Variants in TCERG1L observed in about 807,000 individuals in gnomAD.
The protein encoded by TCERG1L is transcription elongation regulator 1 like.
In TCERG1L, 37 loss-of-function variants were observed where a neutral mutation model predicts 56.3. That is an observed-to-expected ratio of 0.66 (90% CI 0.51 to 0.87). The LOEUF (loss-of-function observed/expected upper bound fraction) is 0.87. TCERG1L is among the 40% of genes least tolerant of loss of function. TCERG1L has a pLI of 0.00. For synonymous variants in TCERG1L, 324 were observed against 326.3 expected (o/e 0.99, Z 0.08); for missense variants, 799 against 774.2 (o/e 1.03, Z -0.38).
intron 3 of TCERG1L, among the ~76,000 whole-genome samples, chr10:131,295,115 A>G (rs886348896): frequency 1.3e-5 from 2 of 152,168 alleles, no homozygotes; most frequent in Non-Finnish European, 2.9e-5. Context: ...TCACTGGCAT[A>G]ATGCTTTTGG....
intron 4 of TCERG1L, among the ~76,000 whole-genome samples, chr10:131,237,988 T>A (rs1845931359): frequency 6.6e-6 from 1 of 152,222 alleles, no homozygotes; most frequent in South Asian, 2.1e-4. Context: ...GGAGCATCCC[T>A]AACTGAAGTG....
At chr10:131,259,899 C>T (rs570032745) in intron 4 of TCERG1L, among the ~76,000 whole-genome samples, 1 of 152,364 alleles carries the variant, frequency 6.6e-6, no homozygotes, top group South Asian at 2.1e-4. Context: ...CGCCAGCCTG[C>T]ACGTCCCGTG....
At chr10:131,133,271 A>G (rs1054680778) in intron 8 of TCERG1L, among the ~76,000 whole-genome samples, 2 of 152,214 alleles carry the variant, frequency 1.3e-5, no homozygotes, top group African/African-American at 4.8e-5. Context: ...GAGAATGCAC[A>G]CTGGCTCTGA....
At chr10:131,209,738 G>A (rs1845595929) in intron 4 of TCERG1L, among the ~76,000 whole-genome samples, 1 of 152,086 alleles carries the variant, frequency 6.6e-6, no homozygotes, top group South Asian at 2.1e-4. Flanking sequence ...ATATTTTATA[G>A]TTAAGTAGTT....
intron 4 of TCERG1L, among the ~76,000 whole-genome samples, chr10:131,224,033 T>C (rs1348175883): frequency 6.6e-6 from 1 of 152,092 alleles, no homozygotes; most frequent in Non-Finnish European, 1.5e-5. Flanking sequence ...CCTGGAGGCC[T>C]CACTGTCACT....
intron 7 of TCERG1L, among the ~76,000 whole-genome samples, chr10:131,136,067 A>T (rs1347327140): frequency 6.6e-6 from 1 of 152,134 alleles, no homozygotes; most frequent in Non-Finnish European, 1.5e-5. Context: ...TGCTAACGAA[A>T]ATGCCTCCAG....
intron 4 of TCERG1L, among the ~76,000 whole-genome samples, chr10:131,207,733 C>T (rs537130594): frequency 1.3e-5 from 2 of 152,266 alleles, no homozygotes; most frequent in African/African-American, 4.8e-5. Flanking sequence ...GAGGTCCATG[C>T]GACCTCAGAT....
intron 11 of TCERG1L, among the ~76,000 whole-genome samples, chr10:131,094,976 T>TC (rs1239690851): frequency 2.0e-5 from 3 of 152,216 alleles, no homozygotes; most frequent in African/African-American, 7.2e-5. Context: ...GCCTCCCGCT[T>TC]CCGTGGCCCC....
chr10:131,219,947 T>C (rs926938129), intron 4 of TCERG1L, among the ~76,000 whole-genome samples: 2 of 152,130 alleles, frequency 1.3e-5, no homozygotes, highest in Admixed American at 1.3e-4. Flanking sequence ...TCCCAGGGCC[T>C]ACCAAAGCGC....
At chr10:131,174,438 G>C (rs1036380314) in intron 4 of TCERG1L, among the ~76,000 whole-genome samples, 3 of 152,232 alleles carry the variant, frequency 2.0e-5, no homozygotes, top group African/African-American at 7.2e-5. Flanking sequence ...TGTGCGGTTG[G>C]AGAGGGCTCA....
intron 3 of TCERG1L, among the ~76,000 whole-genome samples, chr10:131,277,001 T>C (rs1225655345): frequency 6.6e-6 from 1 of 152,226 alleles, no homozygotes; most frequent in African/African-American, 2.4e-5. Context: ...GCTGTTGAGT[T>C]GTCATGTCAA....
At chr10:131,198,109 A>C (rs1845387523) in intron 4 of TCERG1L, among the ~76,000 whole-genome samples, 1 of 152,346 alleles carries the variant, frequency 6.6e-6, no homozygotes, top group East Asian at 1.9e-4. Flanking sequence ...CGACATGCCC[A>C]TGGGTGCAGC....
intron 7 of TCERG1L, among the ~76,000 whole-genome samples, chr10:131,142,517 G>A (rs1228960045): frequency 6.6e-6 from 1 of 152,256 alleles, no homozygotes; most frequent in Non-Finnish European, 1.5e-5. Context: ...AATGGCTAAA[G>A]CGTTTACAGA....
At chr10:131,119,619 C>T (rs939674279) in intron 8 of TCERG1L, among the ~76,000 whole-genome samples, 7 of 152,202 alleles carry the variant, frequency 4.6e-5, no homozygotes, top group African/African-American at 1.4e-4. Context: ...GCAGGGCTGC[C>T]GCACGCCTTC....
chr10:131,303,438 C>A (rs1846789742), intron 3 of TCERG1L, among the ~76,000 whole-genome samples: 4 of 152,040 alleles, frequency 2.6e-5, no homozygotes, highest in Admixed American at 2.0e-4. Context: ...TGAGAAGTGT[C>A]TGTTCATATC....
In TCERG1L at chr10:131,171,337, G is replaced by A. The variant is rs187574881; in HGVS notation, c.857-4452C>T. The stretch of plus-strand genomic sequence containing the variant: ...AGGTGGGTTTGCTTGTGCCTGACCC[G>A]GGGTCAGGGTCCTGGAAGCTTTTCC... On this transcript the variant is annotated intron_variant, in intron 4 of 11. Coordinates refer to ENST00000368642, the MANE Select transcript of TCERG1L (RefSeq NM_174937.4). Among the ~76,000 whole-genome samples the A allele has an allele frequency of 4.4e-3, 671 of 152,126 alleles. 6 individuals carry two copies. The highest frequency in any genetic ancestry group is 0.015 in the African/African-American group (642 of 41,482).
chr10:131,225,491 C>A (rs1048837637), intron 4 of TCERG1L, among the ~76,000 whole-genome samples: 1 of 152,212 alleles, frequency 6.6e-6, no homozygotes, highest in African/African-American at 2.4e-5. Flanking sequence ...CAGCTGGAGG[C>A]TCTCCCGATG....
intron 6 of TCERG1L, among the ~76,000 whole-genome samples, chr10:131,155,802 C>T (rs1362065595): frequency 6.6e-6 from 1 of 152,282 alleles, no homozygotes; most frequent in South Asian, 2.1e-4. Context: ...GCCCACCCCC[C>T]ACTCCCTGGG....
chr10:131,107,295 C>A (rs1845361818), intron 9 of TCERG1L, among the ~76,000 whole-genome samples: 1 of 152,154 alleles, frequency 6.6e-6, no homozygotes, highest in South Asian at 2.1e-4. Flanking sequence ...CATAACGACA[C>A]CAGTTTCTGG....
Sources: allele counts gnomAD v4.1 joint callset (sites outside exome capture counted in the v4.1 genomes callset), GRCh38; gene constraint gnomAD v4.1.1; transcripts MANE v1.5; gene names NCBI Gene and HGNC (gene_info 2026-07-23, HGNC 2026-07-21).